Variants in GRID2 observed in about 807,000 individuals in gnomAD.
The protein encoded by GRID2 is glutamate receptor ionotropic, delta-2.
A neutral mutation model predicts 114.8 loss-of-function variants in GRID2; 33 were observed. That is an observed-to-expected ratio of 0.29 (90% CI 0.22 to 0.38). The LOEUF (loss-of-function observed/expected upper bound fraction) is 0.38. Among genes scored for constraint, GRID2 ranks in the 10% least tolerant of loss-of-function variants. The pLI is 1.00. For missense variants in GRID2, 1,184 were observed against 1,257.7 expected (o/e 0.94, Z 0.89); for synonymous variants, 505 against 449.9 (o/e 1.12, Z -1.55).
intron 1 of GRID2, among the ~76,000 whole-genome samples, chr4:92,578,784 A>G (rs2149200342): frequency 6.8e-6 from 1 of 147,912 alleles, no homozygotes; most frequent in East Asian, 2.0e-4. Context: ...GAATTCTTGT[A>G]ATTACCATTT....
At chr4:93,432,925 C>G (rs72884583) in intron 10 of GRID2, among the ~76,000 whole-genome samples, 10,739 of 152,018 alleles carry the variant, frequency 0.071, 934 homozygotes, top group African/African-American at 0.2. Flanking sequence ...AAAAAATTAG[C>G]TAGACATGGT....
intron 2 of GRID2, among the ~76,000 whole-genome samples, chr4:92,898,026 A>C (rs1055426195): frequency 1.3e-5 from 2 of 152,156 alleles, no homozygotes; most frequent in African/African-American, 4.8e-5. Flanking sequence ...CATCTGAAAA[A>C]TTGTAAGTTA....
intron 10 of GRID2, among the ~76,000 whole-genome samples, chr4:93,453,573 T>G (rs1433482520): frequency 6.6e-6 from 1 of 152,090 alleles, no homozygotes; most frequent in Non-Finnish European, 1.5e-5. Flanking sequence ...ATAAAAAACT[T>G]TAGCTATTTT....
chr4:92,955,280 G>C (rs1285327816), intron 2 of GRID2, among the ~76,000 whole-genome samples: 4 of 150,458 alleles, frequency 2.7e-5, no homozygotes, highest in African/African-American at 9.8e-5. Context: ...AGCACCTGTT[G>C]TTTCCTGACT....
chr4:92,950,719 T>C (rs1014100413), intron 2 of GRID2, among the ~76,000 whole-genome samples: 3 of 152,218 alleles, frequency 2.0e-5, no homozygotes, highest in African/African-American at 7.2e-5. Flanking sequence ...GTCTTTACTT[T>C]CCATTATTTA....
chr4:93,112,819 T>C (rs930993377), intron 4 of GRID2, among the ~76,000 whole-genome samples: 1 of 152,184 alleles, frequency 6.6e-6, no homozygotes, highest in African/African-American at 2.4e-5. Flanking sequence ...AGATGAATTC[T>C]TTTTCCAATG....
At chr4:92,399,598 T>A (rs1223843951) in intron 1 of GRID2, among the ~76,000 whole-genome samples, 3 of 152,068 alleles carry the variant, frequency 2.0e-5, no homozygotes, top group Admixed American at 6.6e-5. Flanking sequence ...TCCAATTACA[T>A]ATTTCACAAT....
intron 1 of GRID2, among the ~76,000 whole-genome samples, chr4:92,545,000 T>C (rs1043347504): frequency 1.3e-5 from 2 of 152,138 alleles, no homozygotes; most frequent in Non-Finnish European, 2.9e-5. Flanking sequence ...CCATATTTCA[T>C]ATTTCTAAGC....
chr4:92,850,822 G>A (rs555173010), intron 2 of GRID2, among the ~76,000 whole-genome samples: 26 of 152,044 alleles, frequency 1.7e-4, no homozygotes, highest in African/African-American at 6.3e-4. Flanking sequence ...ATTGGGATGT[G>A]TTCAAAAATA....
intron 2 of GRID2, among the ~76,000 whole-genome samples, chr4:93,045,030 G>T (rs1725993496): frequency 6.6e-6 from 1 of 152,080 alleles, no homozygotes. Context: ...CTTGCATCTA[G>T]CTCCCTGTGT....
intron 13 of GRID2, among the ~76,000 whole-genome samples, chr4:93,577,973 G>A (rs1384544369): frequency 6.6e-6 from 1 of 152,192 alleles, no homozygotes; most frequent in East Asian, 1.9e-4. Context: ...AATTACAGAG[G>A]CAGAGTAAGA....
At chr4:92,865,913 A>G (rs994999428) in intron 2 of GRID2, among the ~76,000 whole-genome samples, 3 of 152,264 alleles carry the variant, frequency 2.0e-5, no homozygotes, top group African/African-American at 7.2e-5. Flanking sequence ...GTTATCATAT[A>G]CTAGTGATGA....
At chr4:93,516,917 C>A (rs1018131742) in intron 13 of GRID2, among the ~76,000 whole-genome samples, 2 of 152,024 alleles carry the variant, frequency 1.3e-5, no homozygotes, top group Non-Finnish European at 1.5e-5. Context: ...GCTCCCCCTG[C>A]CTTATAACCT....
At chr4:93,345,312 A>C (rs1357874794) in intron 8 of GRID2, among the ~76,000 whole-genome samples, 1 of 151,936 alleles carries the variant, frequency 6.6e-6, no homozygotes, top group South Asian at 2.1e-4. Context: ...ATTCTCACCA[A>C]TACTTGTTAT....
At chr4:92,816,318 C>CAAAAA (rs764487348) in intron 2 of GRID2, among the ~76,000 whole-genome samples, 72 of 48,208 alleles carry the variant, frequency 1.5e-3, no homozygotes, top group African/African-American at 4.5e-3. Context: ...TCTGTCTCAC[C>CAAAAA]AAAAAAAAAA....
chr4:92,952,196 A>G (rs890640442), intron 2 of GRID2, among the ~76,000 whole-genome samples: 2 of 152,212 alleles, frequency 1.3e-5, no homozygotes, highest in African/African-American at 4.8e-5. Context: ...CATACTCATT[A>G]AGTGCCCTAA....
At chr4:93,225,083 C>CT (rs1745336339) in intron 7 of GRID2, among the ~76,000 whole-genome samples, 1 of 151,962 alleles carries the variant, frequency 6.6e-6, no homozygotes, top group Admixed American at 6.6e-5. Flanking sequence ...ATACAAAAGG[C>CT]TTTTAAAAAA....
intron 4 of GRID2, among the ~76,000 whole-genome samples, chr4:93,177,196 T>G (rs1739426310): frequency 6.6e-6 from 1 of 152,200 alleles, no homozygotes; most frequent in African/African-American, 2.4e-5. Context: ...TGGCTTCTAT[T>G]CTGTGGCAAA....
intron 2 of GRID2, among the ~76,000 whole-genome samples, chr4:92,956,121 A>C (rs914512134): frequency 6.6e-6 from 1 of 152,234 alleles, no homozygotes; most frequent in South Asian, 2.1e-4. Context: ...AGCAGAAGTT[A>C]CAGAGATTTC....
Sources: allele counts gnomAD v4.1 joint callset (sites outside exome capture counted in the v4.1 genomes callset), GRCh38; gene constraint gnomAD v4.1.1; transcripts MANE v1.5; gene names NCBI Gene and HGNC (gene_info 2026-07-23, HGNC 2026-07-21).